Variants in PARVB observed in about 807,000 individuals in gnomAD.
PARVB encodes beta-parvin.
A neutral mutation model predicts 47.0 loss-of-function variants in PARVB; 46 were observed. That is an observed-to-expected ratio of 0.98 (90% confidence interval 0.77 to 1.25). The LOEUF (loss-of-function observed/expected upper bound fraction) is 1.25. Among genes scored for constraint, PARVB ranks in the 50% most tolerant of loss-of-function variants. The pLI is 0.00. For synonymous variants in PARVB, 196 were observed against 196.3 expected (o/e 1.00, Z 0.01); for missense variants, 473 against 471.6 (o/e 1.00, Z -0.03).
At chr22:44,070,532 C>G (rs956881798) in intron 1 of PARVB, among the ~76,000 whole-genome samples, 2 of 152,154 alleles carry the variant, frequency 1.3e-5, no homozygotes, top group Non-Finnish European at 2.9e-5. Flanking sequence ...AGCTCCCAGG[C>G]TGATTTTTGC....
At chr22:44,140,521 G>A (rs2053530564) in intron 8 of PARVB, 1 of 570,118 alleles carries the variant, frequency 1.8e-6, no homozygotes, top group African/African-American at 1.9e-5. Flanking sequence ...GGCTGGAAGA[G>A]AGTGGCTCAG....
chr22:44,030,820 C>T (rs1162982747), intron 1 of PARVB, among the ~76,000 whole-genome samples: 5 of 152,140 alleles, frequency 3.3e-5, no homozygotes, highest in Non-Finnish European at 7.3e-5. Context: ...CTTCTCGTTT[C>T]CAGGCCCTCT....
chr22:44,128,849 G>C (rs1016657654), intron 4 of PARVB, among the ~76,000 whole-genome samples: 1 of 152,134 alleles, frequency 6.6e-6, no homozygotes, highest in Non-Finnish European at 1.5e-5. Flanking sequence ...AGGCTGAGGT[G>C]GGCAGATCAC....
At chr22:44,087,739 G>A (rs1040416638) in intron 1 of PARVB, among the ~76,000 whole-genome samples, 1 of 149,872 alleles carries the variant, frequency 6.7e-6, no homozygotes, top group African/African-American at 2.5e-5. Context: ...TGGAACTTTC[G>A]CATTTGGCCT....
intron 8 of PARVB, chr22:44,146,888 G>C (rs1028470095): frequency 1.3e-5 from 2 of 152,458 alleles, no homozygotes; most frequent in African/African-American, 4.8e-5. Context: ...TCTGCCTCCA[G>C]GAACCTGGAG....
At position 44,049,291 on chromosome 22, in the gene PARVB, G is replaced by T. The variant is rs2051166595; in HGVS notation, c.112+24840G>T. Among the ~76,000 whole-genome samples the T allele has an allele frequency of 6.6e-6, 1 of 152,140 alleles. No homozygotes were observed. Among genetic ancestry groups the T allele is most frequent in the Non-Finnish European group, 1.5e-5 (1 of 68,020 alleles). ...GGTGTCAGAATGAACAATACCCATA[G>T]TGCTTGGCGTAGACAATCAGCAAAG... On this transcript the variant is annotated intron_variant, in intron 1 of 12. Coordinates refer to ENST00000338758, the MANE Select transcript of PARVB (RefSeq NM_013327.5). The surrounding 1 kb of genome is among the most constrained non-coding windows in gnomAD (Gnocchi z 4.0).
At chr22:44,129,448 A>G (rs1353187203) in intron 4 of PARVB, among the ~76,000 whole-genome samples, 2 of 152,176 alleles carry the variant, frequency 1.3e-5, no homozygotes, top group African/African-American at 4.8e-5. Flanking sequence ...TGACGTGGCC[A>G]TGTTCAGTCT....
At chr22:44,112,067 G>C (rs895032024) in intron 3 of PARVB, 3 of 152,154 alleles carry the variant, frequency 2.0e-5, no homozygotes, top group South Asian at 2.1e-4. Flanking sequence ...GACCAAAAAG[G>C]GTAGTTAGGA....
At chr22:44,146,106 C>T (rs533089693) in intron 8 of PARVB, 1 of 152,276 alleles carries the variant, frequency 6.6e-6, no homozygotes, top group South Asian at 2.1e-4. Flanking sequence ...CACATGCGCT[C>T]ACACAGGCAC....
chr22:44,139,897 G>A (rs1287090992), intron 7 of PARVB: 3 of 570,004 alleles, frequency 5.3e-6, no homozygotes, highest in African/African-American at 3.8e-5. Flanking sequence ...GTGATTTGCT[G>A]CTGACCTTGT....
chr22:44,079,788 C>T (rs1431317519), intron 1 of PARVB, among the ~76,000 whole-genome samples: 1 of 152,132 alleles, frequency 6.6e-6, no homozygotes, highest in Admixed American at 6.5e-5. Flanking sequence ...ATTAGCCGGG[C>T]ATGGTGGTGG....
chr22:44,059,500 T>A (rs1179457015), intron 1 of PARVB, among the ~76,000 whole-genome samples: 1 of 152,166 alleles, frequency 6.6e-6, no homozygotes, highest in African/African-American at 2.4e-5. Flanking sequence ...TTCTGCTGAG[T>A]CATTTCATCC....
intron 1 of PARVB, among the ~76,000 whole-genome samples, chr22:44,036,727 C>T (rs535144987): frequency 2.0e-5 from 3 of 152,018 alleles, no homozygotes; most frequent in Admixed American, 6.6e-5. Context: ...CATTTCTCTG[C>T]GAGGCTGAGA....
intron 1 of PARVB, among the ~76,000 whole-genome samples, chr22:44,066,392 A>G (rs1455317475): frequency 1.3e-5 from 2 of 152,190 alleles, no homozygotes; most frequent in Admixed American, 1.3e-4. Context: ...TGAAAAGGAT[A>G]TGACCTGCCT....
In PARVB at chr22:44,131,525, A is replaced by G. The variant is rs753148960; in HGVS notation, c.415A>G (p.Thr139Ala). 1.9e-6 allele frequency: 3 copies of G among 1,613,934 alleles called. No homozygotes were observed. The change falls in exon 5 of 13, where the codon ACA (threonine) becomes GCA (alanine). Residue 139 changes from threonine to alanine, a missense_variant. Thr to Ala is a moderately conservative substitution (Grantham distance 58). Transcript: ENST00000338758. ...AGCKLNVAEVTQSEIGQKQKL... is the reference protein window; with the variant it reads ...AGCKLNVAEVAQSEIGQKQKL... ...GTGCAAGCTGAATGTGGCTGAGGTG[A>G]CACAGTCCGAAATAGGGCAGAAACA...
chr22:44,073,966 T>G (rs1363682275), intron 1 of PARVB, among the ~76,000 whole-genome samples: 1 of 152,272 alleles, frequency 6.6e-6, no homozygotes, highest in East Asian at 1.9e-4. Flanking sequence ...AGCCATTTGG[T>G]GGACACCTAC....
chr22:44,047,096 T>C (rs2051127071), intron 1 of PARVB, among the ~76,000 whole-genome samples: 1 of 152,184 alleles, frequency 6.6e-6, no homozygotes, highest in Non-Finnish European at 1.5e-5. Flanking sequence ...ACATGGAGCC[T>C]GTGCCCCGTC....
At chr22:44,136,707 T>A (rs902256814) in intron 7 of PARVB, among the ~76,000 whole-genome samples, 189 bp downstream of exon 7, 11 of 152,100 alleles carry the variant, frequency 7.2e-5, no homozygotes, top group African/African-American at 2.4e-4. Flanking sequence ...TTCTTCAGAG[T>A]TTTTAACATT....
chr22:44,163,797 T>C lies in PARVB; in HGVS notation c.946-61T>C, dbSNP rs545122634. The C allele has an allele frequency of 4.4e-6, 6 of 1,375,100 alleles. No homozygotes were observed. In the South Asian group the frequency reaches 7.6e-5, roughly 17 times the overall value. 85.2% of individuals were successfully genotyped at this position (1,375,100 alleles called of 1,614,324 possible). On this transcript the variant is annotated intron_variant, in intron 11 of 12. Transcript: ENST00000338758. ...GTCCATGCCGGCTGTCCTCCAGCAG[T>C]GGGCCGTGTGTGGGAACGACTGTTG...
Sources: allele counts gnomAD v4.1 joint callset (sites outside exome capture counted in the v4.1 genomes callset), GRCh38; gene constraint gnomAD v4.1.1; non-coding constraint Gnocchi (gnomAD v3.1); transcripts MANE v1.5; gene names NCBI Gene and HGNC (gene_info 2026-07-23, HGNC 2026-07-21).